Variants in ADAMTS18 observed in about 807,000 individuals in gnomAD.
The protein encoded by ADAMTS18 is A disintegrin and metalloproteinase with thrombospondin motifs 18.
In ADAMTS18, 157 loss-of-function variants were observed where a neutral mutation model predicts 165.9. The ratio of observed to expected loss-of-function variants is 0.95; its 90% confidence interval spans 0.83 to 1.08. The LOEUF is 1.08. Ranked by LOEUF, ADAMTS18 falls within the 50% of genes least tolerant of loss-of-function variation. The probability of loss-of-function intolerance (pLI) is 0.00; values close to 1 mark genes in which losing one functional copy is unlikely to be tolerated. For synonymous variants in ADAMTS18, 782 were observed against 578.2 expected (o/e 1.35, Z -5.06); for missense variants, 2,040 against 1,534.0 (o/e 1.33, Z -5.51).
intron 3 of ADAMTS18, among the ~76,000 whole-genome samples, chr16:77,370,955 T>C (rs930179545): frequency 6.6e-6 from 1 of 152,144 alleles, no homozygotes; most frequent in Non-Finnish European, 1.5e-5. Flanking sequence ...ATTTTTAAAA[T>C]GTTTATACAA....
intron 16 of ADAMTS18, among the ~76,000 whole-genome samples, chr16:77,305,694 C>G (rs1268470094): frequency 6.6e-6 from 1 of 152,130 alleles, no homozygotes; most frequent in African/African-American, 2.4e-5. Flanking sequence ...GAGAATATAG[C>G]CCCCAATTTG....
At chr16:77,344,609 CAGTGCCTA>C in intron 10 of ADAMTS18, among the ~76,000 whole-genome samples, 1 of 152,110 alleles carries the variant, frequency 6.6e-6, no homozygotes, top group Non-Finnish European at 1.5e-5. Flanking sequence ...AACCCACACC[CAGTGCCTA>C]TGTGGCAGCC....
intron 22 of ADAMTS18, among the ~76,000 whole-genome samples, chr16:77,287,362 A>C (rs2055274107): frequency 6.6e-6 from 1 of 152,166 alleles, no homozygotes; most frequent in African/African-American, 2.4e-5. Flanking sequence ...TTGGGATGGG[A>C]ATGGGAGAAA....
intron 20 of ADAMTS18, 180 bp downstream of exon 20, chr16:77,292,896 T>C: frequency 1.6e-6 from 1 of 628,294 alleles, no homozygotes; most frequent in Non-Finnish European, 2.7e-6. Context: ...CTCAGCTCAC[T>C]GCAAACTCCG....
chr16:77,371,577 T>C (rs574364543), intron 3 of ADAMTS18, among the ~76,000 whole-genome samples: 26 of 152,316 alleles, frequency 1.7e-4, no homozygotes, highest in Non-Finnish European at 3.1e-4. Context: ...GATATTCATA[T>C]ACAGAAGAAT....
At position 77,353,753 on chromosome 16, in the gene ADAMTS18, A is replaced by G; in HGVS notation, c.1594T>C (p.Cys532Arg). ...KWQFGAKAKLCSLGFVKDICK... is the reference protein window; with the variant it reads ...KWQFGAKAKLRSLGFVKDICK... ...CATACCTTCACAAAACCAAGGCTGC[A>G]TAACTTGGCTTTTGCTCCAAATTGC... Residue 532 changes from cysteine (C) to arginine (R), a missense_variant, in exon 10 of 23, where the codon TGC becomes CGC. Physicochemically the swap from Cys to Arg is radical, Grantham distance 180. Coordinates refer to ENST00000282849, the MANE Select transcript of ADAMTS18 (RefSeq NM_199355.4). 1 of 1,614,214 alleles carries G rather than the reference A, an allele frequency of 6.2e-7. No homozygotes were observed. The highest frequency in any genetic ancestry group is 8.5e-7 in the Non-Finnish European group (1 of 1,180,036).
chr16:77,412,907 G>A (rs538501492), intron 3 of ADAMTS18, among the ~76,000 whole-genome samples: 1 of 152,002 alleles, frequency 6.6e-6, no homozygotes, highest in African/African-American at 2.4e-5. Flanking sequence ...ATGTTGCCCA[G>A]GCTGGTCTTG....
At chr16:77,424,614 T>G (rs944453659) in intron 3 of ADAMTS18, among the ~76,000 whole-genome samples, 20 of 152,230 alleles carry the variant, frequency 1.3e-4, no homozygotes, top group Non-Finnish European at 2.8e-4. Context: ...AGAAGTTTGA[T>G]CTGGCATTTT....
chr16:77,358,153 C>G (rs1031045900), intron 8 of ADAMTS18, among the ~76,000 whole-genome samples: 1 of 152,056 alleles, frequency 6.6e-6, no homozygotes, highest in Non-Finnish European at 1.5e-5. Flanking sequence ...TTATTCATAT[C>G]TAGGAAAGTG....
rs776037011 is a variant in ADAMTS18, at chr16:77,367,706, T to C, written c.513A>G (p.Thr171=). Residue 171 remains threonine (T), a synonymous_variant, in exon 4 of 23, where the codon ACA becomes ACG. Coordinates refer to ENST00000282849, the MANE Select transcript of ADAMTS18 (RefSeq NM_199355.4). ...GCGAGATGAGGAATTCATTTTTTCG[T>C]GTCCTTATTAAACCTGACTAAAAAG... The part of the protein sequence containing the change: ...TCAGLSGLIR[T]RKNEFLISPL... The C allele has an allele frequency of 3.1e-6, 5 of 1,614,200 alleles. No homozygotes were observed. The highest frequency in any genetic ancestry group is 1.7e-5 in the Admixed American group (1 of 60,026).
intron 3 of ADAMTS18, among the ~76,000 whole-genome samples, chr16:77,404,080 A>G (rs2057365288): frequency 6.6e-6 from 1 of 150,522 alleles, no homozygotes; most frequent in Admixed American, 6.7e-5. Flanking sequence ...GCAGAGTACA[A>G]TATGAAAATT....
chr16:77,294,850 G>T, intron 19 of ADAMTS18, 73 bp downstream of exon 19: 3 of 1,428,688 alleles, frequency 2.1e-6, no homozygotes, highest in Non-Finnish European at 2.9e-6. Context: ...AGAGCCCAGT[G>T]GAGAGCAAAG....
intron 22 of ADAMTS18, among the ~76,000 whole-genome samples, chr16:77,287,059 G>GCCGC (rs1304259550): frequency 6.6e-6 from 1 of 152,110 alleles, no homozygotes; most frequent in African/African-American, 2.4e-5. Flanking sequence ...ACAGGAGGAT[G>GCCGC]CAGCCATGGG....
At chr16:77,402,694 A>T (rs1445309117) in intron 3 of ADAMTS18, among the ~76,000 whole-genome samples, 2 of 152,242 alleles carry the variant, frequency 1.3e-5, no homozygotes, top group Non-Finnish European at 2.9e-5. Context: ...AATGATAGAA[A>T]ATACATTTTC....
intron 20 of ADAMTS18, among the ~76,000 whole-genome samples, chr16:77,292,008 G>C (rs1160715584): frequency 6.6e-6 from 1 of 152,132 alleles, no homozygotes; most frequent in Non-Finnish European, 1.5e-5. Flanking sequence ...ATCCTTTTAG[G>C]AAAAATATCC....
At position 77,300,224 on chromosome 16, in the gene ADAMTS18, A is replaced by G. The variant is rs757752024; in HGVS notation, c.2674+39T>C. On this transcript the variant is annotated intron_variant, in intron 17 of 22. Transcript: ENST00000282849. ...CTGGAGTGAAAGAACCTGTTTTAAGAGAGACAGACTTTGGAGACAGAATGA... is the reference window on the plus strand; with the variant it reads ...CTGGAGTGAAAGAACCTGTTTTAAGGGAGACAGACTTTGGAGACAGAATGA... 1.2e-5 allele frequency: 19 copies of G among 1,612,990 alleles called. No individual in the cohort carries two copies. In the South Asian group the frequency reaches 1.9e-4, roughly 16 times the overall value.
Position 77,288,095 on chromosome 16 carries a change from C to T in ADAMTS18, c.3550+1169G>A, listed in dbSNP as rs556322417. Reference sequence around the variant, plus strand: ...TTTAAGACTTATTGAGTACCTGTTGCGTGCCCATTGTGGTATTAGGTGCTG... The same window carrying T: ...TTTAAGACTTATTGAGTACCTGTTGTGTGCCCATTGTGGTATTAGGTGCTG... On this transcript the variant is annotated intron_variant, in intron 22 of 22. Transcript: ENST00000282849. Among the ~76,000 whole-genome samples, 15 of 152,086 alleles carry T rather than the reference C, an allele frequency of 9.9e-5. No individual in the cohort carries two copies. In the South Asian group the frequency reaches 1.5e-3, roughly 15 times the overall value.
chr16:77,323,258 T>C (rs945492772), intron 13 of ADAMTS18, among the ~76,000 whole-genome samples: 1 of 152,204 alleles, frequency 6.6e-6, no homozygotes, highest in Non-Finnish European at 1.5e-5. Context: ...GTGGGTGATA[T>C]TGAGCGATAT....
At position 77,434,808 on chromosome 16, in the gene ADAMTS18, G is replaced by C. The variant is rs989391523; in HGVS notation, c.-113C>G. ...CTCGGCGCCCCAGGTGCGGCTCCAG[G>C]TGAGAGCCGCCGCCGTTCACATCGC... is the stretch of plus-strand genomic sequence containing the variant. On this transcript the variant is annotated 5_prime_UTR_variant, in exon 1 of 23. Transcript: ENST00000282849. 1 of 889,862 alleles carries C rather than the reference G, an allele frequency of 1.1e-6. No homozygotes were observed. The highest frequency in any genetic ancestry group is 1.5e-6 in the Non-Finnish European group (1 of 664,260). The allele number at this position is 889,862 out of a possible 1,614,324, so 55.1% of individuals were successfully genotyped here.
Sources: allele counts gnomAD v4.1 joint callset (sites outside exome capture counted in the v4.1 genomes callset), GRCh38; gene constraint gnomAD v4.1.1; transcripts MANE v1.5; gene names NCBI Gene and HGNC (gene_info 2026-07-23, HGNC 2026-07-21).